TSHZ2: variants seen among roughly 807,000 people sequenced by gnomAD.
The protein encoded by TSHZ2 is teashirt homolog 2.
Under a neutral mutation model 74.4 loss-of-function variants are expected in TSHZ2, and 21 were observed. The observed-to-expected ratio is 0.28, with a 90% CI of 0.20 to 0.41. The LOEUF (loss-of-function observed/expected upper bound fraction) is 0.41, where lower values mean the gene tolerates loss of function less well. TSHZ2 is among the 10% of genes least tolerant of loss of function. The probability of loss-of-function intolerance (pLI) is 1.00; values close to 1 mark genes in which losing one functional copy is unlikely to be tolerated. For missense variants in TSHZ2, 1,244 were observed against 1,293.5 expected (o/e 0.96, Z 0.59); for synonymous variants, 540 against 515.3 (o/e 1.05, Z -0.65).
intron 2 of TSHZ2, among the ~76,000 whole-genome samples, chr20:53,451,915 G>C (rs893549698): frequency 6.6e-6 from 1 of 152,224 alleles, no homozygotes; most frequent in African/African-American, 2.4e-5. Context: ...AGTAAAGTCT[G>C]GGGGAACCCA....
chr20:53,233,932 G>A (rs1989883706), intron 1 of TSHZ2, among the ~76,000 whole-genome samples: 1 of 152,104 alleles, frequency 6.6e-6, no homozygotes, highest in Non-Finnish European at 1.5e-5. Flanking sequence ...CTTTTTAAAT[G>A]TCTGGCTTAA....
At chr20:52,992,402 C>T (rs545322151) in intron 1 of TSHZ2, among the ~76,000 whole-genome samples, 3 of 152,302 alleles carry the variant, frequency 2.0e-5, no homozygotes, top group African/African-American at 7.2e-5. Flanking sequence ...ACATGGCACT[C>T]GTGAACATTT....
intron 2 of TSHZ2, among the ~76,000 whole-genome samples, chr20:53,373,734 A>G (rs1219567492): frequency 1.3e-5 from 2 of 152,192 alleles, no homozygotes; most frequent in African/African-American, 4.8e-5. Context: ...ACAATTCTGA[A>G]TGAGGTTTTT....
intron 1 of TSHZ2, among the ~76,000 whole-genome samples, chr20:53,217,661 C>A (rs778616281): frequency 6.6e-6 from 1 of 152,132 alleles, no homozygotes; most frequent in Non-Finnish European, 1.5e-5. Context: ...GGGCCAGTAA[C>A]GTCAGAACTT....
At chr20:53,258,118 A>G (rs899407429) in intron 2 of TSHZ2, among the ~76,000 whole-genome samples, 6 of 152,212 alleles carry the variant, frequency 3.9e-5, no homozygotes, top group African/African-American at 1.2e-4. Flanking sequence ...TCTAATTGCT[A>G]TCTAGACCCA....
intron 1 of TSHZ2, among the ~76,000 whole-genome samples, chr20:53,209,677 T>TCAGA (rs1989254766): frequency 2.0e-5 from 3 of 152,178 alleles, no homozygotes; most frequent in Admixed American, 2.0e-4. Context: ...AATGCCTGAG[T>TCAGA]CAGAATGGAA....
chr20:53,069,628 C>T (rs1052005657), intron 1 of TSHZ2, among the ~76,000 whole-genome samples: 4 of 149,392 alleles, frequency 2.7e-5, no homozygotes, highest in African/African-American at 9.9e-5. Context: ...GGAGGTGTTC[C>T]CTAATCCTGC....
chr20:53,368,990 C>T (rs999249784), intron 2 of TSHZ2, among the ~76,000 whole-genome samples: 2 of 152,108 alleles, frequency 1.3e-5, no homozygotes, highest in African/African-American at 4.8e-5. Context: ...GGCCTAGCAT[C>T]GTGGCTCATG....
intron 1 of TSHZ2, among the ~76,000 whole-genome samples, chr20:53,135,466 C>T (rs1234193432): frequency 6.6e-6 from 1 of 152,236 alleles, no homozygotes; most frequent in Admixed American, 6.5e-5. Flanking sequence ...TTGCTGCCTG[C>T]ACCTGCCAAT....
intron 2 of TSHZ2, among the ~76,000 whole-genome samples, chr20:53,442,191 T>A (rs1373424469): frequency 6.6e-6 from 1 of 152,138 alleles, no homozygotes; most frequent in South Asian, 2.1e-4. Flanking sequence ...TGTGTGTACG[T>A]GTGTGTAAAG....
chr20:53,218,872 C>G (rs945801747), intron 1 of TSHZ2, among the ~76,000 whole-genome samples: 1 of 152,154 alleles, frequency 6.6e-6, no homozygotes, highest in Admixed American at 6.5e-5. Context: ...CTGGTCAGCA[C>G]CTGAGTTTTC....
At chr20:53,339,035 A>G (rs1402500244) in intron 2 of TSHZ2, among the ~76,000 whole-genome samples, 3 of 152,246 alleles carry the variant, frequency 2.0e-5, no homozygotes, top group African/African-American at 7.2e-5. Flanking sequence ...AATCATTGGC[A>G]AATAACAACA....
At chr20:53,007,256 G>A (rs1484116742) in intron 1 of TSHZ2, among the ~76,000 whole-genome samples, 1 of 152,208 alleles carries the variant, frequency 6.6e-6, no homozygotes, top group East Asian at 1.9e-4. Flanking sequence ...AAGTCCTGAG[G>A]TTGGAGACAG....
At chr20:53,268,083 C>G (rs1432458061) in intron 2 of TSHZ2, among the ~76,000 whole-genome samples, 3 of 152,070 alleles carry the variant, frequency 2.0e-5, no homozygotes, top group Non-Finnish European at 4.4e-5. Context: ...GGGGATGGAG[C>G]CTTCGGAGGC....
At chr20:52,980,717 C>T (rs548256654) in intron 1 of TSHZ2, among the ~76,000 whole-genome samples, 3 of 152,218 alleles carry the variant, frequency 2.0e-5, no homozygotes, top group East Asian at 1.9e-4. Context: ...AAGAAACTTC[C>T]GTAATGCTTT....
intron 2 of TSHZ2, among the ~76,000 whole-genome samples, chr20:53,304,929 C>A (rs1299179513): frequency 2.0e-5 from 3 of 148,852 alleles, no homozygotes; most frequent in East Asian, 4.0e-4. Context: ...TACACACGGC[C>A]TTAATGAACT....
chr20:53,021,472 G>T (rs80045778), intron 1 of TSHZ2, among the ~76,000 whole-genome samples: 1 of 152,168 alleles, frequency 6.6e-6, no homozygotes. Context: ...AATTGGGTTT[G>T]CCTTCTTTCT....
chr20:53,072,912 T>A (rs1482412728), intron 1 of TSHZ2, among the ~76,000 whole-genome samples: 1 of 152,124 alleles, frequency 6.6e-6, no homozygotes, highest in Non-Finnish European at 1.5e-5. Flanking sequence ...CATTCCTTCA[T>A]CCATCCATTC....
At chr20:53,012,517 G>T (rs6022210) in intron 1 of TSHZ2, among the ~76,000 whole-genome samples, 1 of 152,094 alleles carries the variant, frequency 6.6e-6, no homozygotes, top group Non-Finnish European at 1.5e-5. Flanking sequence ...GGGAAGTTTA[G>T]GTGTGGTACC....
Sources: gnomAD v4.1 joint callset for allele counts (sites outside exome capture counted in the v4.1 genomes callset) on GRCh38, gnomAD v4.1.1 for gene constraint, MANE v1.5 for transcripts, NCBI Gene and HGNC (gene_info 2026-07-23, HGNC 2026-07-21) for gene names.